The following MORC1 variants were observed in gnomAD, a reference collection of about 807,000 sequenced individuals.
MORC1 encodes the protein MORC family CW-type zinc finger protein 1.
A neutral mutation model predicts 134.9 loss-of-function variants in MORC1; 59 were observed. That is an observed-to-expected ratio of 0.44 (90% confidence interval 0.35 to 0.54). MORC1 has a LOEUF of 0.54. MORC1 is among the 20% of genes least tolerant of loss of function. The pLI is 0.00. For synonymous variants in MORC1, 395 were observed against 391.7 expected (o/e 1.01, Z -0.10); for missense variants, 947 against 1,134.5 (o/e 0.83, Z 2.37).
At chr3:109,041,566 A>C (rs1949550636) in intron 14 of MORC1, among the ~76,000 whole-genome samples, 1 of 152,068 alleles carries the variant, frequency 6.6e-6, no homozygotes, top group Non-Finnish European at 1.5e-5. Context: ...CAAAAAAATT[A>C]GCCCGGGCGC....
chr3:109,037,243 A>C (rs540666324), intron 14 of MORC1, among the ~76,000 whole-genome samples: 1 of 152,312 alleles, frequency 6.6e-6, no homozygotes, highest in Non-Finnish European at 1.5e-5. Flanking sequence ...TCTTTCTAAG[A>C]AACTGGATTT....
At chr3:108,982,226 T>C (rs554207279) in intron 23 of MORC1, among the ~76,000 whole-genome samples, 1 of 152,254 alleles carries the variant, frequency 6.6e-6, no homozygotes, top group Non-Finnish European at 1.5e-5. Context: ...CCAGTTAGAA[T>C]GGCGATCATT....
At chr3:109,108,682 G>A (rs1237354298) in intron 3 of MORC1, among the ~76,000 whole-genome samples, 1 of 152,070 alleles carries the variant, frequency 6.6e-6, no homozygotes, top group African/African-American at 2.4e-5. Flanking sequence ...CGGATCACAA[G>A]GTCAGGAGAT....
At chr3:109,022,391 C>A (rs1380800103) in intron 17 of MORC1, among the ~76,000 whole-genome samples, 1 of 152,162 alleles carries the variant, frequency 6.6e-6, no homozygotes, top group Non-Finnish European at 1.5e-5. Flanking sequence ...GTTCGGCAAG[C>A]CTTCTTTGTT....
chr3:109,098,033 G>C (rs1206409578), intron 6 of MORC1, among the ~76,000 whole-genome samples: 1 of 152,162 alleles, frequency 6.6e-6, no homozygotes, highest in African/African-American at 2.4e-5. Context: ...ATGCTATTTA[G>C]AGATACATAG....
At chr3:108,986,407 T>C (rs892377665) in intron 22 of MORC1, among the ~76,000 whole-genome samples, 1 of 152,140 alleles carries the variant, frequency 6.6e-6, no homozygotes, top group Non-Finnish European at 1.5e-5. Flanking sequence ...CTGAGACACA[T>C]TACATCCCCT....
At chr3:108,988,535 G>C (rs761933964) in intron 21 of MORC1, among the ~76,000 whole-genome samples, 1 of 152,072 alleles carries the variant, frequency 6.6e-6, no homozygotes, top group Non-Finnish European at 1.5e-5. Context: ...ATGATATTAA[G>C]TGTCTCCAAC....
intron 24 of MORC1, 82 bp downstream of exon 24, chr3:108,979,433 C>A: frequency 6.9e-7 from 1 of 1,439,654 alleles, no homozygotes; most frequent in South Asian, 1.3e-5. Context: ...ATCATTAAAA[C>A]TCAGTAGGGA....
chr3:109,034,137 C>A lies in MORC1; in HGVS notation c.1459+1203G>T, dbSNP rs114629753. On this transcript the variant is annotated intron_variant, in intron 15 of 27. Transcript: ENST00000232603. ...TCGTCACCTGGATCCTAGATTACAA[C>A]AATAGTCTCCTGTTCTAGCCCTTCA... is the stretch of plus-strand genomic sequence containing the variant. Among the ~76,000 whole-genome samples the A allele has an allele frequency of 2.2e-3, 339 of 152,276 alleles. 1 individual carries two copies. The highest frequency in any genetic ancestry group is 7.8e-3 in the African/African-American group (322 of 41,536).
intron 13 of MORC1, among the ~76,000 whole-genome samples, chr3:109,055,818 A>G (rs1371373680): frequency 6.6e-6 from 1 of 152,152 alleles, no homozygotes; most frequent in East Asian, 1.9e-4. Flanking sequence ...ATAAATATAC[A>G]AGATCATTTC....
At position 109,097,805 on chromosome 3, in the gene MORC1, T is replaced by C. The variant is rs181455062; in HGVS notation, c.423+1553A>G. Among the ~76,000 whole-genome samples the C allele has an allele frequency of 4.6e-5, 7 of 152,318 alleles. No individual in the cohort carries two copies. In the East Asian group the frequency reaches 1.3e-3, roughly 29 times the overall value. ...GTACATGAAAAGGAAAAATAATAGT[T>C]GATGGCTTGGTATAATTTGAACAGT... On this transcript the variant is annotated intron_variant, in intron 6 of 27. Transcript: ENST00000232603.
chr3:109,105,302 A>T (rs1220081743), intron 3 of MORC1, among the ~76,000 whole-genome samples: 2 of 152,224 alleles, frequency 1.3e-5, no homozygotes, highest in Admixed American at 1.3e-4. Flanking sequence ...AGGTGGGCGG[A>T]TCACGAGGTC....
At chr3:109,007,935 A>C (rs1484644717) in intron 17 of MORC1, among the ~76,000 whole-genome samples, 1 of 139,940 alleles carries the variant, frequency 7.1e-6, no homozygotes, top group African/African-American at 2.5e-5. Context: ...ATATAAGCAC[A>C]TATATATGTG....
intron 2 of MORC1, 144 bp from the exon 3 acceptor site, chr3:109,110,927 A>G (rs1158942732): frequency 3.6e-6 from 2 of 548,804 alleles, no homozygotes; most frequent in East Asian, 6.6e-5. Flanking sequence ...CCGTGCTATT[A>G]TATCATAAGA....
chr3:109,111,023 C>T (rs1199949482), intron 2 of MORC1, among the ~76,000 whole-genome samples: 2 of 71,190 alleles, frequency 2.8e-5, no homozygotes, highest in Admixed American at 1.6e-4. Flanking sequence ...GGGAATTACA[C>T]AAAAAACTAA....
At chr3:109,030,385 T>G (rs1201147111) in intron 16 of MORC1, among the ~76,000 whole-genome samples, 1 of 152,178 alleles carries the variant, frequency 6.6e-6, no homozygotes, top group Non-Finnish European at 1.5e-5. Context: ...AGCAAGGTCA[T>G]CAGAACAATT....
chr3:108,978,746 T>C (rs1022052564), intron 24 of MORC1, among the ~76,000 whole-genome samples: 3 of 152,160 alleles, frequency 2.0e-5, no homozygotes, highest in Non-Finnish European at 4.4e-5. Flanking sequence ...CAAGTAGCTA[T>C]CCTAAGGAAA....
In MORC1 at chr3:109,000,608, T is replaced by A; in HGVS notation, c.2136A>T (p.Glu712Asp). The part of the protein sequence containing the change: ...KRKQSLNFVE[E>D]CKVLTEDENT... Reference sequence around the variant, plus strand: ...TCTCATCTTCAGTCAATACCTTACATTCCTCTACAAAGTTCAGACTCTGCT... The same window carrying A: ...TCTCATCTTCAGTCAATACCTTACAATCCTCTACAAAGTTCAGACTCTGCT... The change falls in exon 21 of 28, where the codon GAA becomes GAT. Residue 712 changes from glutamate (E) to aspartate (D), a missense_variant. By Grantham distance (45) the Glu-to-Asp change is conservative. Around this residue, in one of 3 missense-constraint regions of MORC1, gnomAD observed 722 missense variants for 817.0 expected, o/e 0.88. Transcript: ENST00000232603. 6.2e-7 allele frequency: 1 copy of A among 1,611,776 alleles called. No individual in the cohort carries two copies.
intron 26 of MORC1, among the ~76,000 whole-genome samples, chr3:108,968,005 T>C (rs1947267124): frequency 6.6e-6 from 1 of 152,220 alleles, no homozygotes; most frequent in Non-Finnish European, 1.5e-5. Flanking sequence ...GGTACCTACC[T>C]ACCAAAGTTG....
Sources: allele counts gnomAD v4.1 joint callset (sites outside exome capture counted in the v4.1 genomes callset), GRCh38; gene constraint gnomAD v4.1.1; regional missense constraint gnomAD v4.1.1; transcripts MANE v1.5; gene names NCBI Gene and HGNC (gene_info 2026-07-23, HGNC 2026-07-21).